PTPRT: variants seen among roughly 807,000 people sequenced by gnomAD.
PTPRT encodes the protein protein tyrosine phosphatase receptor type T, also known as receptor-type tyrosine-protein phosphatase T.
In PTPRT, 56 loss-of-function variants were observed where a neutral mutation model predicts 176.8. That is an observed-to-expected ratio of 0.32 (90% CI 0.26 to 0.40). The LOEUF is 0.40. PTPRT is among the 10% of genes least tolerant of loss of function. The pLI is 1.00. For missense variants in PTPRT, 1,540 were observed against 1,908.2 expected (o/e 0.81, Z 3.60); for synonymous variants, 783 against 739.0 (o/e 1.06, Z -0.96).
At chr20:42,044,892 G>A in the PTPRT span, among the ~76,000 whole-genome samples, 2 of 152,240 alleles carry the variant, frequency 1.3e-5, no homozygotes, top group African/African-American at 2.4e-5. Context: ...GAAACTCTAG[G>A]GAAGAATCCA....
intron 16 of PTPRT, among the ~76,000 whole-genome samples, chr20:42,190,051 T>C (rs1990935249): frequency 6.6e-6 from 1 of 152,174 alleles, no homozygotes; most frequent in Admixed American, 6.6e-5. Flanking sequence ...CTTTAATCTG[T>C]CAGCTAAGTG....
rs143382464 is a variant in PTPRT at position 42,396,837 on chromosome 20, C to T, written c.1561-44552G>A. On this transcript the variant is annotated intron_variant, in intron 9 of 30. Coordinates refer to ENST00000373187, the MANE Select transcript of PTPRT (RefSeq NM_007050.6). Reference sequence around the variant, plus strand: ...CCCCCCAAAGTGCTGGGACTATAGGCGTGAGCCACTGAGCCCGGTCACTTT... The same window carrying T: ...CCCCCCAAAGTGCTGGGACTATAGGTGTGAGCCACTGAGCCCGGTCACTTT... Among the ~76,000 whole-genome samples the T allele has an allele frequency of 6.9e-3, 1,045 of 152,274 alleles. 13 individuals carry two copies. Among genetic ancestry groups the T allele is most frequent in the African/African-American group, 0.023 (971 of 41,548 alleles).
intron 16 of PTPRT, among the ~76,000 whole-genome samples, chr20:42,179,463 C>T (rs997159525): frequency 1.3e-5 from 2 of 152,178 alleles, no homozygotes; most frequent in Non-Finnish European, 2.9e-5. Context: ...CTTTCAATTG[C>T]TTTACGCAGA....
chr20:42,881,598 G>A (rs139395449), intron 2 of PTPRT, among the ~76,000 whole-genome samples: 89 of 152,020 alleles, frequency 5.9e-4, no homozygotes, highest in African/African-American at 1.5e-3. Flanking sequence ...GGCGATGTGC[G>A]CCTGTAGTCT....
At chr20:43,058,909 T>C (rs1378921143) in intron 1 of PTPRT, among the ~76,000 whole-genome samples, 1 of 152,202 alleles carries the variant, frequency 6.6e-6, no homozygotes, top group Admixed American at 6.5e-5. Context: ...CAAGCTGCAC[T>C]GGGGCCCACT....
chr20:42,408,840 AT>A (rs2058986005), intron 9 of PTPRT, among the ~76,000 whole-genome samples: 4 of 152,266 alleles, frequency 2.6e-5, no homozygotes, highest in Admixed American at 2.6e-4. Flanking sequence ...TAAGTCCTAG[AT>A]AAACAGTGGC....
At chr20:43,001,351 T>C (rs908006928) in intron 1 of PTPRT, among the ~76,000 whole-genome samples, 4 of 152,194 alleles carry the variant, frequency 2.6e-5, no homozygotes, top group African/African-American at 9.6e-5. Context: ...TGAGTCTAAA[T>C]AATTATGGCA....
intron 14 of PTPRT, among the ~76,000 whole-genome samples, chr20:42,242,070 G>T (rs373202414): frequency 2.0e-5 from 3 of 152,128 alleles, no homozygotes; most frequent in African/African-American, 7.2e-5. Flanking sequence ...TGCTCTTTTA[G>T]CTTGGCCTGA....
At position 42,127,400 on chromosome 20, in the gene PTPRT, CTCTT is replaced by C. The variant is rs994996747; in HGVS notation, c.2847+1350_2847+1353del. Among the ~76,000 whole-genome samples the C allele has an allele frequency of 3.3e-5, 5 of 152,226 alleles. No homozygotes were observed. The East Asian group carries it at 7.7e-4, about 24-fold the overall frequency. ...TGTCTGTCTGTCTGTCTGTCTCTCT[CTCTT>C]TCTCTCTCTCTCTCACACACACACA... is the stretch of plus-strand genomic sequence containing the variant. On this transcript the variant is annotated intron_variant, in intron 19 of 30. Transcript: ENST00000373187.
At chr20:42,194,107 G>C (rs954370150) in intron 16 of PTPRT, among the ~76,000 whole-genome samples, 1 of 152,174 alleles carries the variant, frequency 6.6e-6, no homozygotes, top group African/African-American at 2.4e-5. Flanking sequence ...TGCTGCAGTG[G>C]AGCGTTTTGC....
chr20:42,868,261 G>C (rs1340936351), intron 2 of PTPRT, among the ~76,000 whole-genome samples: 3 of 152,162 alleles, frequency 2.0e-5, no homozygotes, highest in Non-Finnish European at 2.9e-5. Flanking sequence ...GTCACAAACA[G>C]AATGATGGTA....
chr20:42,211,730 T>A (rs2055635366), intron 15 of PTPRT, among the ~76,000 whole-genome samples: 1 of 145,640 alleles, frequency 6.9e-6, no homozygotes, highest in Non-Finnish European at 1.5e-5. Flanking sequence ...ATTGTGGAAG[T>A]CAGTGTGGCG....
chr20:42,737,998 C>T (rs6072851), intron 6 of PTPRT, among the ~76,000 whole-genome samples: 7,736 of 152,192 alleles, frequency 0.051, 265 homozygotes, highest in East Asian at 0.15. Context: ...CATCATCTCA[C>T]TCATACCTCA....
chr20:42,495,846 T>C (rs953919147), intron 7 of PTPRT, among the ~76,000 whole-genome samples: 1 of 152,096 alleles, frequency 6.6e-6, no homozygotes, highest in Non-Finnish European at 1.5e-5. Flanking sequence ...AAAAACTACA[T>C]ACAGTTGACC....
intron 7 of PTPRT, among the ~76,000 whole-genome samples, chr20:42,581,787 C>T (rs1326201658): frequency 6.6e-6 from 1 of 152,114 alleles, no homozygotes; most frequent in Non-Finnish European, 1.5e-5. Context: ...TTTAAAACAT[C>T]GCAATTGTAG....
At chr20:42,392,564 G>A (rs767114834) in intron 9 of PTPRT, among the ~76,000 whole-genome samples, 60 of 152,166 alleles carry the variant, frequency 3.9e-4, no homozygotes, top group Non-Finnish European at 5.1e-4. Context: ...AGGAGCTACA[G>A]AGTCAGGCAG....
At chr20:42,282,206 A>G (rs2057151155) in intron 13 of PTPRT, among the ~76,000 whole-genome samples, 2 of 152,154 alleles carry the variant, frequency 1.3e-5, no homozygotes, top group South Asian at 2.1e-4. Flanking sequence ...GAGTAAATTT[A>G]TATCCATCAC....
intron 7 of PTPRT, among the ~76,000 whole-genome samples, chr20:42,600,298 T>G (rs1409081208): frequency 6.6e-6 from 1 of 151,794 alleles, no homozygotes; most frequent in Non-Finnish European, 1.5e-5. Flanking sequence ...CGCCATAAAG[T>G]CTGGCTAATT....
intron 7 of PTPRT, among the ~76,000 whole-genome samples, chr20:42,593,497 A>C (rs1214621087): frequency 1.3e-5 from 2 of 152,126 alleles, no homozygotes; most frequent in African/African-American, 4.8e-5. Context: ...TAGCTTACTT[A>C]TTGCCATTTA....
Sources: gnomAD v4.1 joint callset for allele counts (sites outside exome capture counted in the v4.1 genomes callset) on GRCh38, gnomAD v4.1.1 for gene constraint, MANE v1.5 for transcripts, NCBI Gene and HGNC (gene_info 2026-07-23, HGNC 2026-07-21) for gene names.